Variants in RORA observed in about 807,000 individuals in gnomAD.
RORA encodes the protein RAR related orphan receptor A, also known as nuclear receptor ROR-alpha.
RORA carries 7 observed loss-of-function variants against 69.5 expected under a neutral mutation model. The observed-to-expected ratio is 0.10, with a 90% CI of 0.06 to 0.19. RORA has a LOEUF of 0.19. RORA is among the 10% of genes least tolerant of loss of function. The pLI, the probability that RORA is intolerant of heterozygous loss-of-function variation, is 1.00. For synonymous variants in RORA, 261 were observed against 240.8 expected, an observed-to-expected ratio of 1.08 and a Z score of -0.78; for missense variants, 457 against 663.0, an observed-to-expected ratio of 0.69 and a Z score of 3.41.
intron 1 of RORA, among the ~76,000 whole-genome samples, chr15:61,104,962 T>C (rs1422760600): frequency 1.3e-5 from 2 of 151,932 alleles, no homozygotes; most frequent in Non-Finnish European, 2.9e-5. Flanking sequence ...CCATGTAAGA[T>C]GTGCCTTTCG....
At chr15:60,740,664 T>TA (rs1214081889) in intron 1 of RORA, among the ~76,000 whole-genome samples, 1 of 152,116 alleles carries the variant, frequency 6.6e-6, no homozygotes, top group Non-Finnish European at 1.5e-5. Context: ...CAAATTATAA[T>TA]AAAAAAATCT....
intron 1 of RORA, among the ~76,000 whole-genome samples, chr15:61,169,903 G>C (rs1017210389): frequency 2.6e-5 from 4 of 152,112 alleles, no homozygotes; most frequent in Non-Finnish European, 5.9e-5. Flanking sequence ...GACCCTATCA[G>C]GATGGTAAAA....
chr15:61,074,074 G>A (rs992174919), intron 1 of RORA, among the ~76,000 whole-genome samples: 1 of 152,106 alleles, frequency 6.6e-6, no homozygotes, highest in East Asian at 1.9e-4. Context: ...ACAGAATGGG[G>A]GTTAGATACA....
chr15:61,179,804 C>G (rs759879711), intron 1 of RORA, among the ~76,000 whole-genome samples: 1 of 152,090 alleles, frequency 6.6e-6, no homozygotes, highest in Non-Finnish European at 1.5e-5. Context: ...GTCCTCCACA[C>G]CTGCTTACAC....
chr15:60,682,496 G>T (rs949604101), intron 1 of RORA: 6 of 152,212 alleles, frequency 3.9e-5, no homozygotes, highest in African/African-American at 1.4e-4. Context: ...TCTAGAGAAA[G>T]AGCCTGGTAT....
At chr15:61,195,296 G>C (rs149697105) in intron 1 of RORA, among the ~76,000 whole-genome samples, 420 of 151,956 alleles carry the variant, frequency 2.8e-3, no homozygotes, top group Middle Eastern at 6.8e-3. Context: ...ACCATTAAGG[G>C]TTGCAGTAAC....
chr15:60,822,009 A>C (rs556923819), intron 1 of RORA, among the ~76,000 whole-genome samples: 2 of 128,496 alleles, frequency 1.6e-5, no homozygotes, highest in South Asian at 5.4e-4. Context: ...GTATTCACAG[A>C]AGCACGGAAT....
intron 1 of RORA, among the ~76,000 whole-genome samples, chr15:60,793,878 T>C (rs1239022111): frequency 6.6e-6 from 1 of 152,176 alleles, no homozygotes; most frequent in African/African-American, 2.4e-5. Flanking sequence ...ATTTGAGCCG[T>C]GCAGGCTTTC....
intron 1 of RORA, among the ~76,000 whole-genome samples, chr15:60,702,119 C>T (rs944288377): frequency 1.3e-5 from 2 of 152,164 alleles, no homozygotes; most frequent in East Asian, 1.9e-4. Flanking sequence ...TGCTTACCAG[C>T]GGTGGAACAT....
At chr15:60,555,051 T>C (rs1254183074) in intron 2 of RORA, among the ~76,000 whole-genome samples, 1 of 152,174 alleles carries the variant, frequency 6.6e-6, no homozygotes, top group East Asian at 1.9e-4. Context: ...ATCCATGCCA[T>C]CATAAGCCAA....
Position 61,113,968 on chromosome 15 carries a change from A to G in RORA, c.166+115085T>C, listed in dbSNP as rs549503379. Among the ~76,000 whole-genome samples, 8 of 152,346 alleles carry G rather than the reference A, an allele frequency of 5.3e-5. No homozygotes were observed. In the East Asian group the frequency reaches 1.5e-3, roughly 29 times the overall value. ...TTTTCAATGTTTTTCCATCTGAAATAGGGGAACATTACTCACTACAGCCTA... is the reference window on the plus strand; with the variant it reads ...TTTTCAATGTTTTTCCATCTGAAATGGGGGAACATTACTCACTACAGCCTA... On this transcript the variant is annotated intron_variant, in intron 1 of 10. Coordinates refer to ENST00000335670, the MANE Select transcript of RORA (RefSeq NM_134261.3).
intron 1 of RORA, among the ~76,000 whole-genome samples, chr15:61,138,820 C>T (rs994966092): frequency 3.3e-5 from 5 of 151,738 alleles, no homozygotes; most frequent in Admixed American, 3.3e-4. Context: ...AGGGACACTG[C>T]ATAAAATAAA....
At chr15:60,612,425 C>G (rs2069112962) in intron 2 of RORA, among the ~76,000 whole-genome samples, 1 of 152,154 alleles carries the variant, frequency 6.6e-6, no homozygotes, top group African/African-American at 2.4e-5. Context: ...CGGGCAGAAA[C>G]TAGTGGATGT....
intron 1 of RORA, among the ~76,000 whole-genome samples, chr15:60,792,120 T>C (rs763743262): frequency 6.6e-6 from 1 of 151,852 alleles, no homozygotes; most frequent in Non-Finnish European, 1.5e-5. Flanking sequence ...ATGAACCAGA[T>C]AGAAATCCTA....
chr15:61,035,022 T>C (rs1293817847), intron 1 of RORA, among the ~76,000 whole-genome samples: 1 of 152,226 alleles, frequency 6.6e-6, no homozygotes, highest in Non-Finnish European at 1.5e-5. Flanking sequence ...TATGCGCATA[T>C]GTTTGTACAC....
intron 1 of RORA, among the ~76,000 whole-genome samples, chr15:61,207,789 T>C (rs767001508): frequency 6.6e-6 from 1 of 152,212 alleles, no homozygotes; most frequent in Non-Finnish European, 1.5e-5. Flanking sequence ...TGCTTCCAAA[T>C]ACTTCATCCA....
At chr15:61,141,817 G>A (rs2079301764) in intron 1 of RORA, among the ~76,000 whole-genome samples, 1 of 152,198 alleles carries the variant, frequency 6.6e-6, no homozygotes, top group Non-Finnish European at 1.5e-5. Flanking sequence ...CAGGTCGACT[G>A]CAGGAGGCAC....
intron 1 of RORA, among the ~76,000 whole-genome samples, chr15:60,690,377 T>C (rs892650167): frequency 2.0e-5 from 3 of 152,192 alleles, no homozygotes; most frequent in African/African-American, 7.2e-5. Flanking sequence ...TCTCTCTCTC[T>C]TCCCATGGAC....
chr15:60,758,800 ACT>A (rs1287973238), intron 1 of RORA, among the ~76,000 whole-genome samples: 1 of 152,158 alleles, frequency 6.6e-6, no homozygotes, highest in African/African-American at 2.4e-5. Context: ...GTGCCAACTA[ACT>A]CTATAAAGTT....
Sources: gnomAD v4.1 joint callset for allele counts (sites outside exome capture counted in the v4.1 genomes callset) on GRCh38, gnomAD v4.1.1 for gene constraint, MANE v1.5 for transcripts, NCBI Gene and HGNC (gene_info 2026-07-23, HGNC 2026-07-21) for gene names.